ROBO1: variants seen among roughly 807,000 people sequenced by gnomAD.
ROBO1 encodes the protein roundabout guidance receptor 1.
A neutral mutation model predicts 195.9 loss-of-function variants in ROBO1; 149 were observed. The observed-to-expected ratio is 0.76, with a 90% CI of 0.67 to 0.87. The LOEUF (loss-of-function observed/expected upper bound fraction) is 0.87. Ranked by LOEUF, ROBO1 falls within the 40% of genes least tolerant of loss-of-function variation. The pLI, the probability that ROBO1 is intolerant of heterozygous loss-of-function variation, is 0.00. For missense variants in ROBO1, 1,933 were observed against 2,068.3 expected (o/e 0.93, Z 1.27); for synonymous variants, 816 against 733.2 (o/e 1.11, Z -1.82).
intron 1 of ROBO1, among the ~76,000 whole-genome samples, chr3:79,603,755 T>C (rs2107879728): frequency 6.6e-6 from 1 of 152,174 alleles, no homozygotes; most frequent in East Asian, 1.9e-4. Context: ...ACTAAAATGA[T>C]TGGAGGTATG....
At chr3:79,493,646 T>A (rs1404604679) in intron 2 of ROBO1, among the ~76,000 whole-genome samples, 4 of 152,162 alleles carry the variant, frequency 2.6e-5, no homozygotes, top group African/African-American at 4.8e-5. Flanking sequence ...ATAAATAATT[T>A]AAAAAATCAA....
chr3:78,973,655 A>G (rs1002755554), intron 3 of ROBO1, among the ~76,000 whole-genome samples: 1 of 149,610 alleles, frequency 6.7e-6, no homozygotes, highest in Admixed American at 6.7e-5. Context: ...ACCACAGATT[A>G]CTATATACTT....
intron 2 of ROBO1, among the ~76,000 whole-genome samples, chr3:79,565,212 G>A (rs1365270858): frequency 6.6e-6 from 1 of 151,916 alleles, no homozygotes. Flanking sequence ...ATAGCAAGCT[G>A]TGAGAACATT....
chr3:78,618,108 C>A, intron 26 of ROBO1, 67 bp from the exon 27 acceptor site: 1 of 1,477,454 alleles, frequency 6.8e-7, no homozygotes, highest in Admixed American at 2.4e-5. Context: ...ACAAATTACC[C>A]AAGAAATTCA....
chr3:78,633,865 A>G, intron 24 of ROBO1, 70 bp downstream of exon 24: 1 of 998,284 alleles, frequency 1.0e-6, no homozygotes, highest in African/African-American at 1.6e-5. Context: ...TCAGTCCATT[A>G]GCACTCAATT....
chr3:78,926,771 C>G (rs1019427611), intron 4 of ROBO1, among the ~76,000 whole-genome samples: 2 of 152,092 alleles, frequency 1.3e-5, no homozygotes, highest in Admixed American at 1.3e-4. Context: ...TATGACAAAT[C>G]CTCGAGAAAT....
At chr3:78,744,512 T>C (rs1204976213) in intron 5 of ROBO1, among the ~76,000 whole-genome samples, 12 of 152,174 alleles carry the variant, frequency 7.9e-5, no homozygotes, top group South Asian at 4.1e-4. Context: ...ATTAAATTCA[T>C]AGCCTTTTTA....
chr3:78,599,027 T>G (rs1703008920), intron 30 of ROBO1, 100 bp from the exon 31 acceptor site: 1 of 641,970 alleles, frequency 1.6e-6, no homozygotes, highest in East Asian at 3.0e-5. Flanking sequence ...TTAATGTGTC[T>G]TTTCATTTAT....
In ROBO1 at chr3:79,614,687, A is replaced by T. The variant is rs1944764916; in HGVS notation, c.-50-24726T>A. Among the ~76,000 whole-genome samples the T allele has an allele frequency of 2.6e-5, 4 of 152,130 alleles. No individual in the cohort carries two copies. In the South Asian group the frequency reaches 8.3e-4, roughly 32 times the overall value. ...ATTTCTGTGCTGAAAACTTAAAAAT[A>T]CTGATGAGAAAAATGAAAGAATATG... On this transcript the variant is annotated intron_variant, in intron 1 of 30. Transcript: ENST00000464233.
At chr3:78,869,941 T>A (rs1388370582) in intron 4 of ROBO1, among the ~76,000 whole-genome samples, 2 of 152,174 alleles carry the variant, frequency 1.3e-5, no homozygotes, top group Non-Finnish European at 2.9e-5. Flanking sequence ...AACTTTCACC[T>A]CAAATTCTTC....
intron 2 of ROBO1, among the ~76,000 whole-genome samples, chr3:79,477,296 C>T (rs1270799920): frequency 6.6e-6 from 1 of 152,084 alleles, no homozygotes; most frequent in Non-Finnish European, 1.5e-5. Context: ...AGGTAAATCA[C>T]CCTGAACAGC....
chr3:79,030,821 A>C (rs1371658578), intron 3 of ROBO1, among the ~76,000 whole-genome samples: 1 of 152,174 alleles, frequency 6.6e-6, no homozygotes, highest in Non-Finnish European at 1.5e-5. Context: ...TCCTGGGTTC[A>C]AGCAATTCTC....
chr3:79,092,125 C>T (rs960232040), intron 3 of ROBO1, among the ~76,000 whole-genome samples: 1 of 152,102 alleles, frequency 6.6e-6, no homozygotes, highest in Non-Finnish European at 1.5e-5. Context: ...GAGGCAGAGA[C>T]GGGAAACATA....
chr3:79,762,569 A>G (rs9309833), intron 1 of ROBO1, among the ~76,000 whole-genome samples: 34,198 of 151,000 alleles, frequency 0.23, 4,185 homozygotes, highest in East Asian at 0.32. Flanking sequence ...TCGCTAAAAA[A>G]ATAAGAAAGT....
chr3:78,845,916 T>G (rs978928749), intron 4 of ROBO1, among the ~76,000 whole-genome samples: 2 of 152,174 alleles, frequency 1.3e-5, no homozygotes, highest in Non-Finnish European at 2.9e-5. Context: ...TAAATTATTC[T>G]TCCTGTACTC....
At chr3:79,254,459 T>C (rs324751) in intron 2 of ROBO1, among the ~76,000 whole-genome samples, 150,787 of 152,200 alleles carry the variant, frequency 0.99, 74,702 homozygotes, top group East Asian at 1. Context: ...CTCACACACA[T>C]TCACACACTC....
chr3:78,954,883 C>T (rs2040962287), intron 3 of ROBO1, among the ~76,000 whole-genome samples: 1 of 151,458 alleles, frequency 6.6e-6, no homozygotes, highest in Non-Finnish European at 1.5e-5. Context: ...CTACTTTGTT[C>T]TCAATTTAAA....
chr3:79,762,137 T>C (rs540026714), intron 1 of ROBO1, among the ~76,000 whole-genome samples: 1 of 152,240 alleles, frequency 6.6e-6, no homozygotes, highest in South Asian at 2.1e-4. Flanking sequence ...TAGAAATGCT[T>C]TTCTCATAGT....
At position 78,662,130 on chromosome 3, in the gene ROBO1, A is replaced by T. The variant is rs1707455695; in HGVS notation, c.1967-16T>A. On this transcript the variant is annotated splice_polypyrimidine_tract_variant and intron_variant, in intron 14 of 30. Coordinates refer to ENST00000464233, the MANE Select transcript of ROBO1 (RefSeq NM_002941.4). ...GGTAGGACATCTACAACAAGTCAAG[A>T]AAACTGTGTCAGGGTCTGCACAACG... is the stretch of plus-strand genomic sequence containing the variant. 1 of 1,552,636 alleles carries T rather than the reference A, an allele frequency of 6.4e-7. No homozygotes were observed. The highest frequency in any genetic ancestry group is 2.0e-5 in the Admixed American group (1 of 50,900).
Sources: gnomAD v4.1 joint callset for allele counts (sites outside exome capture counted in the v4.1 genomes callset) on GRCh38, gnomAD v4.1.1 for gene constraint, MANE v1.5 for transcripts, NCBI Gene and HGNC (gene_info 2026-07-23, HGNC 2026-07-21) for gene names.